The following TENM3 variants were observed in gnomAD, a reference collection of about 807,000 sequenced individuals.
TENM3 encodes the protein teneurin-3.
TENM3 carries 63 observed loss-of-function variants against 255.1 expected under a neutral mutation model. That is an observed-to-expected ratio of 0.25 (90% confidence interval 0.20 to 0.30). The LOEUF (loss-of-function observed/expected upper bound fraction) is 0.30. Ranked by LOEUF, TENM3 falls within the 10% of genes least tolerant of loss-of-function variation. TENM3 has a pLI of 1.00. For missense variants in TENM3, 2,929 were observed against 3,461.1 expected, an observed-to-expected ratio of 0.85 and a Z score of 3.86; for synonymous variants, 1,306 against 1,322.3, an observed-to-expected ratio of 0.99 and a Z score of 0.27.
At chr4:181,546,152 T>C in the TENM3 span, among the ~76,000 whole-genome samples, 1 of 152,198 alleles carries the variant, frequency 6.6e-6, no homozygotes, top group African/African-American at 2.4e-5. Context: ...ATAGTGTGCG[T>C]GTGAGTGGCC....
the TENM3 span, among the ~76,000 whole-genome samples, chr4:182,056,130 C>T: frequency 6.6e-6 from 1 of 152,098 alleles, no homozygotes; most frequent in African/African-American, 2.4e-5. Context: ...CAAGATCCCA[C>T]TGAGTTACGT....
intron 12 of TENM3, among the ~76,000 whole-genome samples, chr4:182,711,019 T>C (rs1265379315): frequency 6.6e-6 from 1 of 152,192 alleles, no homozygotes; most frequent in East Asian, 1.9e-4. Flanking sequence ...CCCTGTTTCC[T>C]AATGGGCTAT....
intron 11 of TENM3, among the ~76,000 whole-genome samples, chr4:182,684,981 A>C (rs889727970): frequency 3.9e-5 from 6 of 152,132 alleles, no homozygotes; most frequent in African/African-American, 1.4e-4. Context: ...CTGCTGCCCT[A>C]TGAGTCAGTA....
At chr4:182,280,311 A>T (rs1760296234) in intron 1 of TENM3, among the ~76,000 whole-genome samples, 2 of 152,214 alleles carry the variant, frequency 1.3e-5, no homozygotes, top group South Asian at 4.1e-4. Flanking sequence ...ACTCTTTGAA[A>T]AATGTGTATT....
chr4:181,709,650 A>C, the TENM3 span, among the ~76,000 whole-genome samples: 6 of 152,278 alleles, frequency 3.9e-5, no homozygotes, highest in African/African-American at 9.6e-5. Context: ...GCCAGATCAC[A>C]TACAGGACAT....
chr4:182,770,118 A>C (rs1014317880), intron 22 of TENM3, among the ~76,000 whole-genome samples: 2 of 152,026 alleles, frequency 1.3e-5, no homozygotes, highest in South Asian at 2.1e-4. Flanking sequence ...AAAAAAAAAA[A>C]AAAACAGTTC....
chr4:182,682,756 T>G (rs1300497818), intron 11 of TENM3, among the ~76,000 whole-genome samples: 2 of 152,154 alleles, frequency 1.3e-5, no homozygotes. Flanking sequence ...CCTATTTTAT[T>G]TTTTTCAAAT....
chr4:182,753,617 T>C lies in TENM3; in HGVS notation c.4017+13T>C, dbSNP rs1762521727. 1 of 1,611,634 alleles carries C rather than the reference T, an allele frequency of 6.2e-7. No individual in the cohort carries two copies. The highest frequency in any genetic ancestry group is 8.5e-7 in the Non-Finnish European group (1 of 1,178,674). ...GCACATCAGCCAGGTAGTTAAATAC[T>C]AAGCGGACTTGTTTGTTTTTCCTCT... is the stretch of plus-strand genomic sequence containing the variant. On this transcript the variant is annotated intron_variant, in intron 21 of 27. Transcript: ENST00000511685.
At chr4:182,457,379 AT>A (rs1773962358) in intron 3 of TENM3, among the ~76,000 whole-genome samples, 1 of 152,074 alleles carries the variant, frequency 6.6e-6, no homozygotes, top group Non-Finnish European at 1.5e-5. Context: ...TTACTGAAAG[AT>A]AAGCATCTGT....
Position 182,653,823 on chromosome 4 carries a change from A to G in TENM3, c.1041A>G (p.Thr347=). Residue 347 remains threonine, a synonymous_variant, in exon 6 of 28, where the codon ACA becomes ACG. Transcript: ENST00000511685. ...AGCTACAGCAGACTGAAAATGACAC[A>G]TTTGAGAATGGAAAAGTGAATTCTG... ...NWQLQQTEND[T]FENGKVNSDT... The G allele has an allele frequency of 6.2e-7, 1 of 1,613,130 alleles. No homozygotes were observed. The highest frequency in any genetic ancestry group is 8.5e-7 in the Non-Finnish European group (1 of 1,179,466).
rs572108062 is a variant in TENM3, at chr4:182,306,170, A to T, written c.-75-17776A>T. On this transcript the variant is annotated intron_variant, in intron 1 of 27. Coordinates refer to ENST00000511685, the MANE Select transcript of TENM3 (RefSeq NM_001080477.4). ...TGATATGATAGTGAACCATACTTAC[A>T]TTTGAAAGATAGTTTCTTTCTTTCT... is the stretch of plus-strand genomic sequence containing the variant. 1.7e-3 allele frequency among the ~76,000 whole-genome samples: 252 copies of T among 152,098 alleles called. 1 individual carries two copies. Among genetic ancestry groups the T allele is most frequent in the African/African-American group, 5.9e-3 (245 of 41,504 alleles).
chr4:181,827,842 G>A, the TENM3 span, among the ~76,000 whole-genome samples: 160 of 152,234 alleles, frequency 1.1e-3, 1 homozygote, highest in African/African-American at 3.6e-3. Flanking sequence ...GTACTGACAG[G>A]CTGTTTTCAT....
intron 3 of TENM3, among the ~76,000 whole-genome samples, chr4:182,534,153 T>C: frequency 6.6e-6 from 1 of 152,102 alleles, no homozygotes; most frequent in East Asian, 1.9e-4. Context: ...AATGATGACA[T>C]CATAGTACAA....
At chr4:181,935,599 A>G in the TENM3 span, among the ~76,000 whole-genome samples, 1 of 152,030 alleles carries the variant, frequency 6.6e-6, no homozygotes, top group East Asian at 1.9e-4. Context: ...TTCACTCTCA[A>G]AGCTGCCAAG....
chr4:182,725,570 A>G (rs1760095095), intron 13 of TENM3, among the ~76,000 whole-genome samples: 1 of 151,870 alleles, frequency 6.6e-6, no homozygotes, highest in Non-Finnish European at 1.5e-5. Flanking sequence ...CTAGGAAAGT[A>G]ATATTTTGAT....
At chr4:182,629,707 A>G (rs1001070563) in intron 5 of TENM3, among the ~76,000 whole-genome samples, 6 of 152,262 alleles carry the variant, frequency 3.9e-5, no homozygotes, top group South Asian at 4.2e-4. Flanking sequence ...ATAGCCAGTG[A>G]TGCATCCTCA....
the TENM3 span, among the ~76,000 whole-genome samples, chr4:182,081,379 T>A: frequency 6.6e-6 from 1 of 150,756 alleles, no homozygotes; most frequent in Non-Finnish European, 1.5e-5. Flanking sequence ...AGGTCAGGAG[T>A]TCGAGACCAG....
chr4:181,878,219 G>A, the TENM3 span, among the ~76,000 whole-genome samples: 2 of 152,004 alleles, frequency 1.3e-5, no homozygotes, highest in East Asian at 3.9e-4. Flanking sequence ...TATATACAAG[G>A]CTGTGTATCA....
the TENM3 span, among the ~76,000 whole-genome samples, chr4:181,993,151 GT>G: frequency 6.6e-6 from 1 of 152,234 alleles, no homozygotes; most frequent in Non-Finnish European, 1.5e-5. Flanking sequence ...TCCCATATGG[GT>G]ACGATTATCT....
Sources: gnomAD v4.1 joint callset for allele counts (sites outside exome capture counted in the v4.1 genomes callset) on GRCh38, gnomAD v4.1.1 for gene constraint, MANE v1.5 for transcripts, NCBI Gene and HGNC (gene_info 2026-07-23, HGNC 2026-07-21) for gene names.